The following AGAP1 variants were observed in gnomAD, a reference collection of about 807,000 sequenced individuals.
AGAP1 encodes ArfGAP with GTPase domain, ankyrin repeat and PH domain 1, also known as arf-GAP with GTPase, ANK repeat and PH domain-containing protein 1.
Under a neutral mutation model 105.3 loss-of-function variants are expected in AGAP1, and 29 were observed. The ratio of observed to expected loss-of-function variants is 0.28; its 90% CI spans 0.21 to 0.38. AGAP1 has a LOEUF of 0.38. AGAP1 is among the 10% of genes least tolerant of loss of function. The pLI is 1.00. For synonymous variants in AGAP1, 509 were observed against 485.9 expected (o/e 1.05, Z -0.63); for missense variants, 998 against 1,165.1 (o/e 0.86, Z 2.09).
In AGAP1 at chr2:235,977,257, A is replaced by G. The variant is rs1294549136; in HGVS notation, c.1645+8634A>G. Among the ~76,000 whole-genome samples the G allele has an allele frequency of 6.7e-6, 1 of 150,062 alleles. No individual in the cohort carries two copies. Among genetic ancestry groups the G allele is most frequent in the Non-Finnish European group, 1.5e-5 (1 of 67,750 alleles). ...AGAATCTAGGATCTGTCTTGAAGTC[A>G]TTTTCTTGATGGTCTCAAAATGTTT... On this transcript the variant is annotated intron_variant, in intron 13 of 17. Transcript: ENST00000304032. The surrounding 1 kb of genome is among the most constrained non-coding windows in gnomAD (Gnocchi z 5.2).
chr2:235,839,340 C>T (rs933064217), intron 9 of AGAP1, among the ~76,000 whole-genome samples: 1 of 152,216 alleles, frequency 6.6e-6, no homozygotes, highest in South Asian at 2.1e-4. Flanking sequence ...CGCACACACT[C>T]CGTCCACGGA....
rs1378221308 is a variant in AGAP1 at position 236,092,605 on chromosome 2, G to A, written c.2115-27587G>A. 6.6e-6 allele frequency among the ~76,000 whole-genome samples: 1 copy of A among 152,136 alleles called. No individual in the cohort carries two copies. The highest frequency in any genetic ancestry group is 1.5e-5 in the Non-Finnish European group (1 of 68,036). ...GACGGGGTTTCACCGTGTTAGCCAG[G>A]ATGGTCTCGATCTCCTGACCTCATG... On this transcript the variant is annotated intron_variant, in intron 16 of 17. Transcript: ENST00000304032. The surrounding 1 kb of genome is among the most constrained non-coding windows in gnomAD (Gnocchi z 4.7).
At position 236,083,732 on chromosome 2, in the gene AGAP1, T is replaced by C. The variant is rs1364016111; in HGVS notation, c.2114+34451T>C. On this transcript the variant is annotated intron_variant, in intron 16 of 17. Coordinates refer to ENST00000304032, the MANE Select transcript of AGAP1 (RefSeq NM_001037131.3). This position sits in a 1 kb window ranked among gnomAD's most constrained non-coding sequence, Gnocchi z 5.3. The stretch of plus-strand genomic sequence containing the variant: ...TTTAATACCTTAAAAATACTGCACA[T>C]TAAGTCTGTTTTTTTACAGAAGGAT... 6.6e-6 allele frequency among the ~76,000 whole-genome samples: 1 copy of C among 152,168 alleles called. No homozygotes were observed. Among genetic ancestry groups the C allele is most frequent in the African/African-American group, 2.4e-5 (1 of 41,426 alleles).
At chr2:235,803,082 A>G (rs1575507307) in intron 8 of AGAP1, among the ~76,000 whole-genome samples, 1 of 25,394 alleles carries the variant, frequency 3.9e-5, no homozygotes, top group Non-Finnish European at 8.4e-5. Flanking sequence ...GATGGTGATG[A>G]TGGTTGTGGT....
chr2:236,069,889 T>A lies in AGAP1; in HGVS notation c.2114+20608T>A, dbSNP rs186056453. Among the ~76,000 whole-genome samples, 800 of 152,400 alleles carry A rather than the reference T, an allele frequency of 5.2e-3. 8 individuals are homozygous for A. The highest frequency in any genetic ancestry group is 6.5e-3 in the Non-Finnish European group (443 of 68,042). On this transcript the variant is annotated intron_variant, in intron 16 of 17. Coordinates refer to ENST00000304032, the MANE Select transcript of AGAP1 (RefSeq NM_001037131.3). ...TTTATTTTCTAATTTTCTGCCATTT[T>A]AAAAATTTGGTTAGATTTTTAATAA...
At chr2:235,775,756 A>G (rs768481713) in intron 6 of AGAP1, 14 of 152,204 alleles carry the variant, frequency 9.2e-5, no homozygotes, top group East Asian at 5.8e-4. Context: ...CTTAAATTCT[A>G]TGTACGTGTA....
intron 1 of AGAP1, among the ~76,000 whole-genome samples, chr2:235,688,807 A>G (rs12472761): frequency 0.27 from 41,677 of 151,958 alleles, 6,641 homozygotes; most frequent in African/African-American, 0.41. Flanking sequence ...CAGTGGCATG[A>G]CTAGGCCTGG....
At chr2:235,916,874 A>G (rs1206437771) in intron 11 of AGAP1, among the ~76,000 whole-genome samples, 1 of 152,166 alleles carries the variant, frequency 6.6e-6, no homozygotes, top group Non-Finnish European at 1.5e-5. Flanking sequence ...TCACAAACCC[A>G]TGCTCCCCAA....
rs1950659591 is a variant in AGAP1, at chr2:235,708,426, A to G, written c.164-753A>G. On this transcript the variant is annotated intron_variant, in intron 1 of 17. Transcript: ENST00000304032. ...AGGTAAAGCCATGGTCGTTTGGGTC[A>G]TCTGTATCGGGTGGGTGCACTGTGC... 2.0e-5 allele frequency among the ~76,000 whole-genome samples: 3 copies of G among 152,138 alleles called. No individual in the cohort carries two copies. In the South Asian group the frequency reaches 6.2e-4, roughly 31 times the overall value.
intron 1 of AGAP1, among the ~76,000 whole-genome samples, chr2:235,538,161 A>G (rs886567681): frequency 1.3e-5 from 2 of 152,342 alleles, no homozygotes; most frequent in Admixed American, 6.5e-5. Context: ...AAATAGGGTT[A>G]TAGGCTTATT....
In AGAP1 at chr2:235,936,455, A is replaced by G. The variant is rs1262693933; in HGVS notation, c.1483+5532A>G. On this transcript the variant is annotated intron_variant, in intron 12 of 17. Coordinates refer to ENST00000304032, the MANE Select transcript of AGAP1 (RefSeq NM_001037131.3). The surrounding 1 kb of genome is among the most constrained non-coding windows in gnomAD (Gnocchi z 4.7). ...TTTAAATGTCTTTTCTCATTATAAA[A>G]ATGTTTTGCACGTCGATTTTGATGA... 6.6e-6 allele frequency among the ~76,000 whole-genome samples: 1 copy of G among 152,186 alleles called. No individual in the cohort carries two copies. The highest frequency in any genetic ancestry group is 1.5e-5 in the Non-Finnish European group (1 of 68,030).
At position 235,880,719 on chromosome 2, in the gene AGAP1, G is replaced by A. The variant is rs543620945; in HGVS notation, c.1051-2626G>A. 8.7e-5 allele frequency among the ~76,000 whole-genome samples: 13 copies of A among 149,204 alleles called. No individual in the cohort carries two copies. The South Asian group carries it at 1.3e-3, about 15-fold the overall frequency. Reference sequence around the variant, plus strand: ...CGCGCCACTGCACTGCAGCCTGGGCGACAGAGCGAGACTCCGTCTCAAAAA... The same window carrying A: ...CGCGCCACTGCACTGCAGCCTGGGCAACAGAGCGAGACTCCGTCTCAAAAA... On this transcript the variant is annotated intron_variant, in intron 9 of 17. Transcript: ENST00000304032.
At chr2:235,698,663 C>T (rs1240733109) in intron 1 of AGAP1, among the ~76,000 whole-genome samples, 6 of 152,104 alleles carry the variant, frequency 3.9e-5, no homozygotes, top group Non-Finnish European at 7.4e-5. Flanking sequence ...AATGTTCTAC[C>T]GCTTCTTAGG....
chr2:235,670,936 G>T, intron 1 of AGAP1: 1 of 1,320,788 alleles, frequency 7.6e-7, no homozygotes, highest in Non-Finnish European at 9.6e-7. Flanking sequence ...ACGGGGGCCC[G>T]GGCGGCGGGC....
At position 236,009,538 on chromosome 2, in the gene AGAP1, C is replaced by A. The variant is rs1381173204; in HGVS notation, c.1646-27023C>A. On this transcript the variant is annotated intron_variant, in intron 13 of 17. Coordinates refer to ENST00000304032, the MANE Select transcript of AGAP1 (RefSeq NM_001037131.3). This position sits in a 1 kb window ranked among gnomAD's most constrained non-coding sequence, Gnocchi z 4.2. ...CATGTCTGATGTGGACAGAGTAGTG[C>A]TGTCTGACAAGGTGATCATTTGACT... Among the ~76,000 whole-genome samples the A allele has an allele frequency of 1.3e-5, 2 of 152,208 alleles. No homozygotes were observed. The highest frequency in any genetic ancestry group is 2.9e-5 in the Non-Finnish European group (2 of 68,030).
chr2:235,686,794 C>T (rs1444442439), intron 1 of AGAP1, among the ~76,000 whole-genome samples: 1 of 150,084 alleles, frequency 6.7e-6, no homozygotes, highest in Admixed American at 6.7e-5. Flanking sequence ...GCTGAGACTA[C>T]AGACACATGC....
intron 9 of AGAP1, among the ~76,000 whole-genome samples, chr2:235,815,222 C>CA (rs1958384246): frequency 6.6e-6 from 1 of 152,132 alleles, no homozygotes; most frequent in African/African-American, 2.4e-5. Flanking sequence ...GCAGCCTGGG[C>CA]GGCTTAAACA....
chr2:235,867,536 A>AGTGTGT lies in AGAP1; in HGVS notation c.1051-15775_1051-15770dup, dbSNP rs61257818. ...ATCATACACCTTATGCTGGTGCTGC[A>AGTGTGT]GTGTGTGTGTGTGTGTGTGTGTGTG... On this transcript the variant is annotated intron_variant, in intron 9 of 17. Transcript: ENST00000304032. This position sits in a 1 kb window ranked among gnomAD's most constrained non-coding sequence, Gnocchi z 5.4. 0.18 allele frequency among the ~76,000 whole-genome samples: 21,548 copies of AGTGTGT among 123,104 alleles called. 1,951 individuals are homozygous for AGTGTGT. The highest frequency in any genetic ancestry group is 0.36 in the South Asian group (1,288 of 3,592). 80.8% of individuals were successfully genotyped at this position (123,104 alleles called of 152,430 possible).
In AGAP1 at chr2:235,689,990, G is replaced by A. The variant is rs180800964; in HGVS notation, c.164-19189G>A. On this transcript the variant is annotated intron_variant, in intron 1 of 17. Coordinates refer to ENST00000304032, the MANE Select transcript of AGAP1 (RefSeq NM_001037131.3). The surrounding 1 kb of genome is among the most constrained non-coding windows in gnomAD (Gnocchi z 4.2). ...TTTTTTCAGATGGTAAATAGATCGC[G>A]TTGTTGCATGCGTTTGATGAAAGTG... Among the ~76,000 whole-genome samples, 4 of 152,164 alleles carry A rather than the reference G, an allele frequency of 2.6e-5. No homozygotes were observed. The highest frequency in any genetic ancestry group is 1.9e-4 in the East Asian group (1 of 5,166).
Sources: allele counts gnomAD v4.1 joint callset (sites outside exome capture counted in the v4.1 genomes callset), GRCh38; gene constraint gnomAD v4.1.1; non-coding constraint Gnocchi (gnomAD v3.1); transcripts MANE v1.5; gene names NCBI Gene and HGNC (gene_info 2026-07-23, HGNC 2026-07-21).